RP1: variants seen among roughly 807,000 people sequenced by gnomAD.
The protein encoded by RP1 is RP1 axonemal microtubule associated.
RP1 carries 16 observed loss-of-function variants against 14.8 expected under a neutral mutation model. That is an observed-to-expected ratio of 1.08 (90% CI 0.73 to 1.65). RP1 has a LOEUF of 1.65. Among genes scored for constraint, RP1 ranks in the 40% most tolerant of loss-of-function variants. RP1 has a pLI of 0.00. For synonymous variants in RP1, 876 were observed against 883.6 expected (o/e 0.99, Z 0.15); for missense variants, 2,631 against 2,535.0 (o/e 1.04, Z -0.81).
rs773837215 is a variant in RP1, at chr8:54,762,072, AG to A, written c.3248+2997del. On this transcript the variant is annotated intron_variant, in intron 22 of 22. Coordinates refer to the RP1 transcript ENST00000636932. ...AGCCATGGGTGCACGCAGGAGCTGG[AG>A]TGGACAGTCCTGGCGGGGGAGCTGG... Among the ~76,000 whole-genome samples, 106 of 152,294 alleles carry A rather than the reference AG, an allele frequency of 7.0e-4. 1 individual carries two copies. The highest frequency in any genetic ancestry group is 4.8e-3 in the South Asian group (23 of 4,830).
intron 27 of RP1, among the ~76,000 whole-genome samples, chr8:54,857,553 G>T (rs942994951): frequency 6.6e-6 from 1 of 151,654 alleles, no homozygotes; most frequent in African/African-American, 2.4e-5. Flanking sequence ...ATGAAGTTTT[G>T]TCAGGTTGAG....
At chr8:54,606,859 G>A (rs1473405221) in intron 1 of RP1, among the ~76,000 whole-genome samples, 21 of 152,034 alleles carry the variant, frequency 1.4e-4, no homozygotes, top group South Asian at 4.2e-4. Context: ...TTGTGCATTC[G>A]TCACGTAGTT....
At chr8:54,840,245 A>G (rs911571980) in intron 25 of RP1, among the ~76,000 whole-genome samples, 1 of 152,046 alleles carries the variant, frequency 6.6e-6, no homozygotes, top group African/African-American at 2.4e-5. Flanking sequence ...TATTTTTTTA[A>G]TGGCTGCATT....
chr8:54,606,449 G>A lies in RP1; in HGVS notation c.-12-14506G>A, dbSNP rs536908394. Reference sequence around the variant, plus strand: ...ATGGGCTTCCCTTTGTGGGTAACCCGACCTTTCTCTCTGGCTGCCCTTAAC... The same window carrying A: ...ATGGGCTTCCCTTTGTGGGTAACCCAACCTTTCTCTCTGGCTGCCCTTAAC... On this transcript the variant is annotated intron_variant, in intron 1 of 22. Coordinates refer to the RP1 transcript ENST00000636932. Among the ~76,000 whole-genome samples, 24 of 152,042 alleles carry A rather than the reference G, an allele frequency of 1.6e-4. No homozygotes were observed. The East Asian group carries it at 4.3e-3, about 27-fold the overall frequency.
intron 1 of RP1, among the ~76,000 whole-genome samples, chr8:54,610,914 G>A (rs996565167): frequency 6.6e-6 from 1 of 152,114 alleles, no homozygotes; most frequent in Admixed American, 6.5e-5. Flanking sequence ...ATTTCTTGAG[G>A]AGCAGGTCTA....
intron 24 of RP1, among the ~76,000 whole-genome samples, chr8:54,819,728 A>T (rs144470910): frequency 3.4e-4 from 52 of 152,226 alleles, no homozygotes; most frequent in South Asian, 1.2e-3. Flanking sequence ...TTGCAAACTC[A>T]TGGAGGTACC....
At chr8:54,677,371 G>A (rs865806942) in intron 8 of RP1, among the ~76,000 whole-genome samples, 16 of 152,158 alleles carry the variant, frequency 1.1e-4, no homozygotes, top group Middle Eastern at 3.4e-3. Flanking sequence ...ACTCAATAAC[G>A]GGAGTATGTG....
At chr8:54,643,747 T>C (rs1806493706) in intron 3 of RP1, among the ~76,000 whole-genome samples, 1 of 152,170 alleles carries the variant, frequency 6.6e-6, no homozygotes, top group Non-Finnish European at 1.5e-5. Context: ...TTTTGGTGGT[T>C]GCCTGAAGTC....
At chr8:54,788,312 A>G (rs1211546725) in intron 24 of RP1, among the ~76,000 whole-genome samples, 6 of 152,198 alleles carry the variant, frequency 3.9e-5, no homozygotes, top group African/African-American at 1.2e-4. Flanking sequence ...GGTCTTTTCA[A>G]TGTTTAAAAG....
chr8:54,631,904 C>G (rs545616469), downstream of RP1, among the ~76,000 whole-genome samples: 2 of 151,470 alleles, frequency 1.3e-5, no homozygotes, highest in African/African-American at 4.9e-5. Context: ...TGCAATGGTG[C>G]GATCTCGGCT....
intron 22 of RP1, among the ~76,000 whole-genome samples, chr8:54,768,697 G>A (rs1346560855): frequency 6.6e-6 from 1 of 152,140 alleles, no homozygotes; most frequent in Non-Finnish European, 1.5e-5. Flanking sequence ...AAGAAAGTAA[G>A]TTTCAAGAGG....
At position 54,628,411 on chromosome 8, in the gene RP1, C is replaced by G; in HGVS notation, c.4529C>G (p.Ser1510Cys). Residue 1510 changes from serine (S) to cysteine (C), a missense_variant, in exon 4 of 4, where the codon TCT becomes TGT. By Grantham distance (112) the Ser-to-Cys change is moderately radical. Coordinates refer to ENST00000220676, the MANE Select transcript of RP1 (RefSeq NM_006269.2). ...AAAACTTTAGAATTGATAGACATCT[C>G]TAGTAAGAATATTATGGAAGAAAAA... ...ASKTLELIDI[S>C]SKNIMEEKRM... The G allele has an allele frequency of 6.2e-7, 1 of 1,613,358 alleles. No homozygotes were observed. Among genetic ancestry groups the G allele is most frequent in the South Asian group, 1.1e-5 (1 of 91,042 alleles).
At position 54,806,119 on chromosome 8, in the gene RP1, A is replaced by G. The variant is rs551559686; in HGVS notation, c.3615+22409A>G. Among the ~76,000 whole-genome samples the G allele has an allele frequency of 2.2e-4, 34 of 152,208 alleles. 1 individual carries two copies. In the South Asian group the frequency reaches 6.4e-3, roughly 29 times the overall value. On this transcript the variant is annotated intron_variant, in intron 24 of 28. Transcript: ENST00000637698. ...CTGCAACCTTCGCCTCCCGGATTCAAGGGATGCTCCTGCCTCAGCCTCCTG... is the reference window on the plus strand; with the variant it reads ...CTGCAACCTTCGCCTCCCGGATTCAGGGGATGCTCCTGCCTCAGCCTCCTG...
intron 15 of RP1, among the ~76,000 whole-genome samples, chr8:54,716,287 T>G (rs1254511128): frequency 6.6e-6 from 1 of 152,226 alleles, no homozygotes. Flanking sequence ...AGAATATGCT[T>G]GTATATCTTG....
chr8:54,602,344 C>T (rs1359025496), intron 1 of RP1, among the ~76,000 whole-genome samples: 9 of 152,124 alleles, frequency 5.9e-5, no homozygotes, highest in African/African-American at 1.2e-4. Flanking sequence ...GCTTCATCCA[C>T]GTCCCTACAA....
At chr8:54,639,339 T>C (rs1428182358) in intron 3 of RP1, among the ~76,000 whole-genome samples, 1 of 152,228 alleles carries the variant, frequency 6.6e-6, no homozygotes, top group African/African-American at 2.4e-5. Flanking sequence ...TAGACATTTA[T>C]TTCTGGCTTT....
At chr8:54,560,987 A>G (rs57433885) in intron 1 of RP1, 77,212 of 150,462 alleles carry the variant, frequency 0.51, 19,886 homozygotes, top group East Asian at 0.6. Context: ...TTGCAGGCTC[A>G]GGGGGTGTGA....
At chr8:54,743,633 T>C (rs1809151326) in intron 19 of RP1, among the ~76,000 whole-genome samples, 2 of 152,182 alleles carry the variant, frequency 1.3e-5, no homozygotes, top group South Asian at 2.1e-4. Context: ...CCTATATTTT[T>C]TTCACATGTC....
At chr8:54,600,350 A>C (rs1805247019) in intron 1 of RP1, among the ~76,000 whole-genome samples, 1 of 152,152 alleles carries the variant, frequency 6.6e-6, no homozygotes, top group Non-Finnish European at 1.5e-5. Flanking sequence ...TTTCTTTATA[A>C]ATTACCGAGT....
Sources: gnomAD v4.1 joint callset for allele counts (sites outside exome capture counted in the v4.1 genomes callset) on GRCh38, gnomAD v4.1.1 for gene constraint, MANE v1.5 for transcripts, NCBI Gene and HGNC (gene_info 2026-07-23, HGNC 2026-07-21) for gene names.